SNCAIP: variants seen among roughly 807,000 people sequenced by gnomAD.
The protein encoded by SNCAIP is synphilin-1.
SNCAIP carries 43 observed loss-of-function variants against 86.7 expected under a neutral mutation model. That is an observed-to-expected ratio of 0.50 (90% CI 0.39 to 0.64). The LOEUF is 0.64. Among genes scored for constraint, SNCAIP ranks in the 30% least tolerant of loss-of-function variants. The probability of loss-of-function intolerance (pLI) is 0.00; values close to 1 mark genes in which losing one functional copy is unlikely to be tolerated. For missense variants in SNCAIP, 981 were observed against 1,103.1 expected, an observed-to-expected ratio of 0.89 and a Z score of 1.57; for synonymous variants, 417 against 427.2, an observed-to-expected ratio of 0.98 and a Z score of 0.29.
intron 1 of SNCAIP, among the ~76,000 whole-genome samples, chr5:122,382,896 C>A (rs533563984): frequency 1.1e-4 from 17 of 152,160 alleles, no homozygotes; most frequent in Non-Finnish European, 2.5e-4. Flanking sequence ...GCAGTCTGCC[C>A]GTTCTCAGAT....
chr5:122,363,788 CTATTTATTTATTTATTTATTTATTTATT>C (rs143825884), intron 1 of SNCAIP, among the ~76,000 whole-genome samples: 1 of 142,842 alleles, frequency 7.0e-6, no homozygotes, highest in African/African-American at 2.6e-5. Flanking sequence ...TTATTGTCAA[CTATTTATTTATTTATTTATTTATTTATT>C]TATTTATTTA....
chr5:122,399,902 G>T (rs1006498265), intron 2 of SNCAIP, among the ~76,000 whole-genome samples: 5 of 152,052 alleles, frequency 3.3e-5, no homozygotes, highest in African/African-American at 1.2e-4. Flanking sequence ...GATTCAGTAG[G>T]TCTGGGATGA....
rs761050364 is a variant in SNCAIP, at chr5:122,423,595, A to G, written c.858A>G (p.Gln286=). ...GCCAGCTCAGGGCCTTCCACCTACAATCCTCAGCAGCAGAATCCAAACCAG... is the reference window on the plus strand; with the variant it reads ...GCCAGCTCAGGGCCTTCCACCTACAGTCCTCAGCAGCAGAATCCAAACCAG... ...PDCQLRAFHL[Q]SSAAESKPEE... The change falls in exon 4 of 11, where the codon CAA becomes CAG. Residue 286 remains glutamine, a synonymous_variant. Transcript: ENST00000261368. The G allele has an allele frequency of 1.2e-6, 2 of 1,614,114 alleles. No individual in the cohort carries two copies. Among genetic ancestry groups the G allele is most frequent in the East Asian group, 2.2e-5 (1 of 44,872 alleles).
chr5:122,349,620 T>C (rs989271120), intron 1 of SNCAIP, among the ~76,000 whole-genome samples: 18 of 152,146 alleles, frequency 1.2e-4, no homozygotes, highest in African/African-American at 4.1e-4. Context: ...TTTCTTCCAT[T>C]TGCTTTTTCT....
At chr5:122,346,656 T>C (rs1758671572) in intron 1 of SNCAIP, among the ~76,000 whole-genome samples, 1 of 152,080 alleles carries the variant, frequency 6.6e-6, no homozygotes, top group Non-Finnish European at 1.5e-5. Context: ...GCTGTAAAAT[T>C]AGGGATAAGC....
chr5:122,321,267 C>T (rs888315179), intron 1 of SNCAIP: 9 of 152,184 alleles, frequency 5.9e-5, no homozygotes, highest in Non-Finnish European at 8.8e-5. Flanking sequence ...AAGTACCTTA[C>T]ATTCTTTTTT....
intron 7 of SNCAIP, chr5:122,444,227 T>C (rs1781776906): frequency 8.3e-6 from 4 of 482,982 alleles, no homozygotes; most frequent in Non-Finnish European, 1.6e-5. Context: ...CTTACAGGCA[T>C]CTCTGACTAT....
At chr5:122,342,223 C>G (rs1757737891) in intron 1 of SNCAIP, among the ~76,000 whole-genome samples, 1 of 152,144 alleles carries the variant, frequency 6.6e-6, no homozygotes, top group South Asian at 2.1e-4. Context: ...TCACTGTTGT[C>G]TTGTCACCCG....
Position 122,425,516 on chromosome 5 carries a change from AGG to A in SNCAIP, c.1168_1169del (p.Gly390ProfsTer4). The A allele has an allele frequency of 1.2e-6, 2 of 1,614,064 alleles. No homozygotes were observed. The highest frequency in any genetic ancestry group is 1.7e-6 in the Non-Finnish European group (2 of 1,179,942). ...GCAACACTGAGAAGTTGACTCCAGC[AGG>A]CCTGGCCATTAAGGTGACTGGTTGG... ...ERNTEKLTPA[G>X]LAIKNGQLEC... On this transcript the variant is annotated frameshift_variant, in exon 5 of 11. Transcript: ENST00000261368. LOFTEE classifies it high-confidence loss of function.
intron 6 of SNCAIP, among the ~76,000 whole-genome samples, chr5:122,434,649 C>G (rs75873502): frequency 6.6e-6 from 1 of 152,064 alleles, no homozygotes; most frequent in Admixed American, 6.5e-5. Flanking sequence ...CCAGCAGTGC[C>G]CTTAGGAGAT....
At chr5:122,444,104 A>G in intron 7 of SNCAIP, 1 of 457,384 alleles carries the variant, frequency 2.2e-6, no homozygotes, top group South Asian at 1.5e-5. Flanking sequence ...ATTCCTGATC[A>G]GGTTGGCGCA....
chr5:122,393,018 A>G (rs1057315772), intron 2 of SNCAIP, among the ~76,000 whole-genome samples: 1 of 152,216 alleles, frequency 6.6e-6, no homozygotes, highest in African/African-American at 2.4e-5. Context: ...CACTTGAAAG[A>G]TAATAAAATA....
chr5:122,328,146 C>T (rs1168225623), intron 1 of SNCAIP, among the ~76,000 whole-genome samples: 2 of 152,162 alleles, frequency 1.3e-5, no homozygotes, highest in Admixed American at 6.5e-5. Flanking sequence ...TGATCTGTTT[C>T]CCATTGCAGT....
intron 1 of SNCAIP, among the ~76,000 whole-genome samples, chr5:122,349,251 G>A (rs1305788004): frequency 6.6e-6 from 1 of 152,142 alleles, no homozygotes; most frequent in East Asian, 1.9e-4. Flanking sequence ...AATTGCCTGA[G>A]GAGTGTTTTT....
intron 1 of SNCAIP, among the ~76,000 whole-genome samples, chr5:122,344,512 G>A (rs1680294652): frequency 6.6e-6 from 1 of 152,120 alleles, no homozygotes; most frequent in African/African-American, 2.4e-5. Flanking sequence ...AGAGAGGAGA[G>A]GGCTTTGAGC....
chr5:122,363,414 G>T (rs1323118247), intron 1 of SNCAIP, among the ~76,000 whole-genome samples: 1 of 152,132 alleles, frequency 6.6e-6, no homozygotes, highest in African/African-American at 2.4e-5. Context: ...GAAGGGACTT[G>T]GTCTACAACT....
At chr5:122,395,229 A>C (rs1441462286) in intron 2 of SNCAIP, among the ~76,000 whole-genome samples, 3 of 152,174 alleles carry the variant, frequency 2.0e-5, no homozygotes, top group African/African-American at 7.2e-5. Context: ...ACCTCAACCT[A>C]TTACCCTAAA....
chr5:122,456,733 T>G (rs1784844600), intron 10 of SNCAIP, among the ~76,000 whole-genome samples: 1 of 152,224 alleles, frequency 6.6e-6, no homozygotes, highest in Non-Finnish European at 1.5e-5. Flanking sequence ...TTTTTGACCT[T>G]AAAATGTTAA....
chr5:122,330,756 G>A (rs1414442152), intron 1 of SNCAIP, among the ~76,000 whole-genome samples: 2 of 151,880 alleles, frequency 1.3e-5, no homozygotes. Flanking sequence ...TTGGGGGAGG[G>A]GATAGTTTCA....
Sources: allele counts gnomAD v4.1 joint callset (sites outside exome capture counted in the v4.1 genomes callset), GRCh38; gene constraint gnomAD v4.1.1; transcripts MANE v1.5; gene names NCBI Gene and HGNC (gene_info 2026-07-23, HGNC 2026-07-21).